Variants in EML1 observed in about 807,000 individuals in gnomAD.
The protein encoded by EML1 is EMAP like 1.
In EML1, 27 loss-of-function variants were observed where a neutral mutation model predicts 110.4. That is an observed-to-expected ratio of 0.24 (90% CI 0.18 to 0.34). The LOEUF (loss-of-function observed/expected upper bound fraction) is 0.34. Ranked by LOEUF, EML1 falls within the 10% of genes least tolerant of loss-of-function variation. The pLI is 1.00. For missense variants in EML1, 741 were observed against 1,030.9 expected (o/e 0.72, Z 3.85); for synonymous variants, 344 against 385.8 (o/e 0.89, Z 1.27).
chr14:99,917,419 T>TA (rs2060051588), intron 15 of EML1, among the ~76,000 whole-genome samples: 1 of 151,922 alleles, frequency 6.6e-6, no homozygotes, highest in Non-Finnish European at 1.5e-5. Context: ...AATTAAAAAT[T>TA]AAAAAATTAG....
intron 10 of EML1, 37 bp downstream of exon 10, chr14:99,907,770 T>G: frequency 6.2e-7 from 1 of 1,607,566 alleles, no homozygotes; most frequent in Non-Finnish European, 8.5e-7. Flanking sequence ...GCATTAACAT[T>G]TTCCCATTCA....
chr14:99,891,096 ATTT>A (rs1428242098), intron 4 of EML1, 100 bp from the exon 5 acceptor site: 8 of 1,340,484 alleles, frequency 6.0e-6, no homozygotes, highest in Non-Finnish European at 5.3e-6. Context: ...CTTATGCAGC[ATTT>A]GTGTGGCAGA....
intron 13 of EML1, among the ~76,000 whole-genome samples, chr14:99,913,560 T>C (rs1262199883): frequency 1.3e-5 from 2 of 152,254 alleles, no homozygotes; most frequent in Non-Finnish European, 2.9e-5. Flanking sequence ...GTAGCATTCC[T>C]TATTTTTAAA....
chr14:99,830,591 C>T (rs898517349), intron 1 of EML1, among the ~76,000 whole-genome samples: 3 of 152,002 alleles, frequency 2.0e-5, no homozygotes, highest in African/African-American at 7.3e-5. Flanking sequence ...GCTCTTGTCA[C>T]CCAGGCTGGA....
intron 16 of EML1, 37 bp from the exon 17 acceptor site, chr14:99,920,752 A>G (rs755978654): frequency 6.5e-7 from 1 of 1,537,370 alleles, no homozygotes; most frequent in South Asian, 1.2e-5. Context: ...TTTTCTTATT[A>G]AACAACTTAC....
chr14:99,767,494 C>A (rs1190989153), intron 1 of EML1, among the ~76,000 whole-genome samples: 1 of 152,100 alleles, frequency 6.6e-6, no homozygotes, highest in African/African-American at 2.4e-5. Context: ...CCCTGCTACT[C>A]GGGAGTCTGA....
chr14:99,847,842 A>G (rs2058730627), intron 1 of EML1, among the ~76,000 whole-genome samples: 1 of 151,218 alleles, frequency 6.6e-6, no homozygotes, highest in Non-Finnish European at 1.5e-5. Context: ...TATTATTTCC[A>G]TGGTATATAT....
At chr14:99,899,197 A>ATTTC (rs10627243) in intron 8 of EML1, among the ~76,000 whole-genome samples, 131,181 of 151,966 alleles carry the variant, frequency 0.86, 56,796 homozygotes, top group East Asian at 1. Flanking sequence ...TCTGAAACTA[A>ATTTC]TTTAAGTACA....
chr14:99,832,719 CT>C (rs2058479471), intron 1 of EML1, among the ~76,000 whole-genome samples: 1 of 152,114 alleles, frequency 6.6e-6, no homozygotes, highest in Non-Finnish European at 1.5e-5. Flanking sequence ...GGGTTATTCA[CT>C]TTCTTGTTGA....
intron 1 of EML1, among the ~76,000 whole-genome samples, chr14:99,793,951 G>A (rs1036110341): frequency 1.3e-5 from 2 of 152,046 alleles, no homozygotes; most frequent in Non-Finnish European, 2.9e-5. Context: ...GAAGAACTCG[G>A]GAAACAAATC....
At chr14:99,931,570 T>C (rs2060368714) in intron 17 of EML1, among the ~76,000 whole-genome samples, 2 of 152,176 alleles carry the variant, frequency 1.3e-5, no homozygotes, top group Non-Finnish European at 2.9e-5. Flanking sequence ...GGCCAAATCC[T>C]AGCTTATTTC....
In EML1 at chr14:99,865,548, C is replaced by G; in HGVS notation, c.285C>G (p.Thr95=). The G allele has an allele frequency of 6.2e-7, 1 of 1,614,196 alleles. No homozygotes were observed. The highest frequency in any genetic ancestry group is 1.3e-5 in the African/African-American group (1 of 75,042). Residue 95 remains threonine (T), a synonymous_variant, in exon 3 of 22, where the codon ACC becomes ACG. Coordinates refer to ENST00000262233, the MANE Select transcript of EML1 (RefSeq NM_004434.3). Reference sequence around the variant, plus strand: ...TGATGCAGACCCTGCCTTTAAGAACCACGGTCAACAATGGCACTGTGTTAC... The same window carrying G: ...TGATGCAGACCCTGCCTTTAAGAACGACGGTCAACAATGGCACTGTGTTAC... ...RPLMQTLPLR[T]TVNNGTVLPK...
intron 1 of EML1, chr14:99,809,630 A>C (rs1485219144): frequency 4.4e-6 from 2 of 455,976 alleles, no homozygotes; most frequent in Non-Finnish European, 8.8e-6. Context: ...CAGGCCTGCA[A>C]CGTCTTATCT....
intron 1 of EML1, among the ~76,000 whole-genome samples, chr14:99,822,929 C>G (rs557559325): frequency 6.6e-6 from 1 of 152,330 alleles, no homozygotes; most frequent in East Asian, 1.9e-4. Flanking sequence ...TCTTTTTGGC[C>G]TGCTTTGCCC....
upstream of EML1, among the ~76,000 whole-genome samples, chr14:99,789,035 C>T (rs2057630708): frequency 6.6e-6 from 1 of 151,954 alleles, no homozygotes; most frequent in Non-Finnish European, 1.5e-5. Context: ...ATGGATGGAC[C>T]ACATTTTGTT....
At chr14:99,748,302 G>C (rs762155300) in intron 1 of EML1, among the ~76,000 whole-genome samples, 1 of 152,186 alleles carries the variant, frequency 6.6e-6, no homozygotes, top group Non-Finnish European at 1.5e-5. Flanking sequence ...GAGGCTGCGG[G>C]AATATGTGGG....
intron 1 of EML1, among the ~76,000 whole-genome samples, chr14:99,809,198 C>T (rs754984189): frequency 6.6e-6 from 1 of 152,134 alleles, no homozygotes; most frequent in Non-Finnish European, 1.5e-5. Flanking sequence ...AATTGTTATG[C>T]CCTGCTTTAA....
chr14:99,785,312 C>T (rs1334172550), intron 1 of EML1, among the ~76,000 whole-genome samples: 1 of 152,208 alleles, frequency 6.6e-6, no homozygotes, highest in Non-Finnish European at 1.5e-5. Context: ...GCCTTGGCCT[C>T]CCAAAGTGTT....
chr14:99,936,034 A>C lies in EML1; in HGVS notation c.1915A>C (p.Asn639His). ...AATTTGTCATCTTTTTATAGATGGGAATTTCTTAGCCATAGGCTCACATGA... is the reference window on the plus strand; with the variant it reads ...AATTTGTCATCTTTTTATAGATGGGCATTTCTTAGCCATAGGCTCACATGA... Reference protein sequence around the residue: ...LSVMRYSPDGNFLAIGSHDNC... With the variant: ...LSVMRYSPDGHFLAIGSHDNC... The change falls in exon 18 of 22, where the codon AAT becomes CAT. Residue 639 changes from asparagine to histidine, a missense_variant. Coordinates refer to ENST00000262233, the MANE Select transcript of EML1 (RefSeq NM_004434.3). The surrounding 1 kb of genome is among the most constrained non-coding windows in gnomAD (Gnocchi z 5.5). The C allele has an allele frequency of 6.2e-7, 1 of 1,613,926 alleles. No homozygotes were observed. Among genetic ancestry groups the C allele is most frequent in the Non-Finnish European group, 8.5e-7 (1 of 1,179,896 alleles).
Sources: gnomAD v4.1 joint callset for allele counts (sites outside exome capture counted in the v4.1 genomes callset) on GRCh38, gnomAD v4.1.1 for gene constraint, Gnocchi (gnomAD v3.1) non-coding constraint, MANE v1.5 for transcripts, NCBI Gene and HGNC (gene_info 2026-07-23, HGNC 2026-07-21) for gene names.